Variants in GAL3ST1 observed in about 807,000 individuals in gnomAD.
The protein encoded by GAL3ST1 is galactosylceramide sulfotransferase.
GAL3ST1 carries 13 observed loss-of-function variants against 25.0 expected under a neutral mutation model. The observed-to-expected ratio is 0.52, with a 90% CI of 0.34 to 0.83. GAL3ST1 has a LOEUF of 0.83. Among genes scored for constraint, GAL3ST1 ranks in the 40% least tolerant of loss-of-function variants. The pLI, the probability that GAL3ST1 is intolerant of heterozygous loss-of-function variation, is 0.02. For missense variants in GAL3ST1, 474 were observed against 613.6 expected (o/e 0.77, Z 2.40); for synonymous variants, 274 against 277.8 (o/e 0.99, Z 0.14).
chr22:30,555,517 C>T lies in GAL3ST1; in HGVS notation c.708G>A (p.Gln236=), dbSNP rs759954717. The T allele has an allele frequency of 6.2e-7, 1 of 1,613,784 alleles. No homozygotes were observed. Among genetic ancestry groups the T allele is most frequent in the South Asian group, 1.1e-5 (1 of 91,090 alleles). The change falls in exon 4 of 4, where the codon CAG becomes CAA. Residue 236 remains glutamine (Q), a synonymous_variant. Coordinates refer to ENST00000406361, the MANE Select transcript of GAL3ST1 (RefSeq NM_001318104.2). The surrounding 1 kb of genome is among the most constrained non-coding windows in gnomAD (Gnocchi z 8.6). ...NSLDPSSPQV[Q]EHILEVERRF... is the part of the protein sequence containing the mutation. ...GACGCTCCACCTCCAGGATGTGCTC[C>T]TGCACCTGCGGGCTGCTGGGGTCCA... is the stretch of plus-strand genomic sequence containing the variant.
At chr22:30,570,161 G>A (rs770972278) in intron 1 of GAL3ST1, among the ~76,000 whole-genome samples, 60 of 152,220 alleles carry the variant, frequency 3.9e-4, no homozygotes, top group Admixed American at 1.0e-3. Flanking sequence ...TGCACATACA[G>A]GAACAGGGCT....
rs2085896315 is a variant in GAL3ST1, at chr22:30,554,929, G to A, written c.*24C>T. 1 of 1,524,992 alleles carries A rather than the reference G, an allele frequency of 6.6e-7. No individual in the cohort carries two copies. The highest frequency in any genetic ancestry group is 8.9e-7 in the Non-Finnish European group (1 of 1,129,828). 94.5% of individuals were successfully genotyped at this position (1,524,992 alleles called of 1,614,324 possible). ...CCCCTCTGCAGGGAGCGAGCAGGCA[G>A]GCAAGCCGCTGGGCGGTGGGACGTC... On this transcript the variant is annotated 3_prime_UTR_variant, in exon 4 of 4. Coordinates refer to ENST00000406361, the MANE Select transcript of GAL3ST1 (RefSeq NM_001318104.2).
chr22:30,574,230 G>A (rs2086845785), intron 1 of GAL3ST1, among the ~76,000 whole-genome samples: 2 of 151,692 alleles, frequency 1.3e-5, no homozygotes, highest in Non-Finnish European at 2.9e-5. Context: ...TTGGGGGACA[G>A]GGGAAAAAAC....
Position 30,555,144 on chromosome 22 carries a change from C to T in GAL3ST1, c.1081G>A (p.Ala361Thr). 1 of 1,609,626 alleles carries T rather than the reference C, an allele frequency of 6.2e-7. No homozygotes were observed. Among genetic ancestry groups the T allele is most frequent in the Non-Finnish European group, 8.5e-7 (1 of 1,178,978 alleles). The change falls in exon 4 of 4, where the codon GCC becomes ACC. Residue 361 changes from alanine to threonine, a missense_variant. Physicochemically the swap from Ala to Thr is moderately conservative, Grantham distance 58. Coordinates refer to ENST00000406361, the MANE Select transcript of GAL3ST1 (RefSeq NM_001318104.2). This position sits in a 1 kb window ranked among gnomAD's most constrained non-coding sequence, Gnocchi z 8.6. ...CCCAGCGGCTGCCAGGGCTGCATGG[C>T]CTCGTCCTGGATGGCGGCGGCGTCC... is the stretch of plus-strand genomic sequence containing the variant. ...AVDAAAIQDE[A>T]MQPWQPLGTK...
rs1235652853 is a variant in GAL3ST1, at chr22:30,555,361, C to T, written c.864G>A (p.Arg288=). The change falls in exon 4 of 4, where the codon CGG becomes CGA. Residue 288 remains arginine, a synonymous_variant. Transcript: ENST00000406361. The surrounding 1 kb of genome is among the most constrained non-coding windows in gnomAD (Gnocchi z 8.6). ...LNARRDSPVP[R]LSGELYGRAT... ...CGCGCCCATACAGCTCCCCCGAGAG[C>T]CGCGGCACGGGCGAGTCGCGGCGGG... 6.2e-7 allele frequency: 1 copy of T among 1,608,398 alleles called. No individual in the cohort carries two copies.
intron 1 of GAL3ST1, among the ~76,000 whole-genome samples, chr22:30,567,396 C>A (rs559238225): frequency 6.6e-5 from 10 of 152,168 alleles, no homozygotes; most frequent in Non-Finnish European, 1.5e-4. Context: ...CCTCAGCCTC[C>A]CAGGTAGCTG....
intron 1 of GAL3ST1, chr22:30,560,699 G>A (rs1319682328): frequency 1.3e-5 from 2 of 152,084 alleles, no homozygotes; most frequent in African/African-American, 4.8e-5. Flanking sequence ...TTGCCCTCTG[G>A]AAATCCCAAG....
At position 30,555,417 on chromosome 22, in the gene GAL3ST1, G is replaced by A. The variant is rs115862749; in HGVS notation, c.808C>T (p.Leu270=). Residue 270 remains leucine (L), a synonymous_variant, in exon 4 of 4, where the codon CTG becomes TTG. Coordinates refer to ENST00000406361, the MANE Select transcript of GAL3ST1 (RefSeq NM_001318104.2). This position sits in a 1 kb window ranked among gnomAD's most constrained non-coding sequence, Gnocchi z 8.6. ...VLLKDLLCWE[L]EDVLYFKLNA... ...AGCTTGAAGTAGAGCACGTCCTCCAGCTCCCAGCACAGCAGGTCCTTCAGC... is the reference window on the plus strand; with the variant it reads ...AGCTTGAAGTAGAGCACGTCCTCCAACTCCCAGCACAGCAGGTCCTTCAGC... 1.2e-3 allele frequency: 1,874 copies of A among 1,610,882 alleles called. 18 individuals are homozygous for A. The African/African-American group carries it at 0.022, about 19-fold the overall frequency.
intron 1 of GAL3ST1, among the ~76,000 whole-genome samples, chr22:30,569,271 C>G (rs147278617): frequency 6.6e-6 from 1 of 152,004 alleles, no homozygotes; most frequent in Non-Finnish European, 1.5e-5. Flanking sequence ...GAGGAGCAGG[C>G]CGACCTCCAT....
At chr22:30,573,723 C>A (rs2086838520) in intron 1 of GAL3ST1, among the ~76,000 whole-genome samples, 1 of 152,224 alleles carries the variant, frequency 6.6e-6, no homozygotes, top group Admixed American at 6.5e-5. Flanking sequence ...GCCAGACATG[C>A]CCATCACCTC....
intron 1 of GAL3ST1, among the ~76,000 whole-genome samples, chr22:30,568,164 C>T (rs1039044565): frequency 2.0e-5 from 3 of 152,170 alleles, no homozygotes; most frequent in Admixed American, 6.5e-5. Context: ...TGCAGAAGCA[C>T]GAAGAAAACA....
chr22:30,573,187 G>A (rs991562671), intron 1 of GAL3ST1, among the ~76,000 whole-genome samples: 2 of 152,200 alleles, frequency 1.3e-5, no homozygotes, highest in Non-Finnish European at 2.9e-5. Context: ...AGCCAGGGAG[G>A]CGAGGGGGGG....
At chr22:30,569,780 G>A (rs183771018) in intron 1 of GAL3ST1, among the ~76,000 whole-genome samples, 8 of 152,264 alleles carry the variant, frequency 5.3e-5, no homozygotes, top group Non-Finnish European at 1.0e-4. Context: ...TTGCAGCACC[G>A]CTATTCCCCC....
chr22:30,559,702 G>T (rs1298791013), intron 1 of GAL3ST1, among the ~76,000 whole-genome samples: 1 of 152,160 alleles, frequency 6.6e-6, no homozygotes, highest in Non-Finnish European at 1.5e-5. Flanking sequence ...TGTTTTGGGG[G>T]ATGATCTAAG....
At chr22:30,568,874 G>T (rs144668326) in intron 1 of GAL3ST1, among the ~76,000 whole-genome samples, 2 of 152,154 alleles carry the variant, frequency 1.3e-5, no homozygotes, top group African/African-American at 4.8e-5. Context: ...TTAGGGGTCC[G>T]AGACCAGCCT....
At chr22:30,567,908 T>C (rs2086671680) in intron 1 of GAL3ST1, among the ~76,000 whole-genome samples, 1 of 150,394 alleles carries the variant, frequency 6.6e-6, no homozygotes, top group Admixed American at 6.6e-5. Context: ...GTCTCAAACT[T>C]CTGACCTCAA....
intron 1 of GAL3ST1, among the ~76,000 whole-genome samples, chr22:30,573,502 G>A (rs1268957681): frequency 6.6e-6 from 1 of 152,212 alleles, no homozygotes; most frequent in Non-Finnish European, 1.5e-5. Flanking sequence ...TGCCCCCTGT[G>A]TGGGCCTGGA....
chr22:30,567,922 A>T (rs1053154024), intron 1 of GAL3ST1, among the ~76,000 whole-genome samples: 1 of 150,654 alleles, frequency 6.6e-6, no homozygotes, highest in South Asian at 2.1e-4. Context: ...ACCTCAAGTG[A>T]TCCACCTGCC....
intron 3 of GAL3ST1, among the ~76,000 whole-genome samples, chr22:30,556,828 G>A (rs567226413): frequency 3.3e-5 from 5 of 152,246 alleles, no homozygotes; most frequent in South Asian, 2.1e-4. Flanking sequence ...TCTGCCTTCC[G>A]GGTTCAAGCA....
Sources: gnomAD v4.1 joint callset for allele counts (sites outside exome capture counted in the v4.1 genomes callset) on GRCh38, gnomAD v4.1.1 for gene constraint, Gnocchi (gnomAD v3.1) non-coding constraint, MANE v1.5 for transcripts, NCBI Gene and HGNC (gene_info 2026-07-23, HGNC 2026-07-21) for gene names.